SLC16A7: variants seen among roughly 807,000 people sequenced by gnomAD.
The protein encoded by SLC16A7 is monocarboxylate transporter 2.
SLC16A7 carries 33 observed loss-of-function variants against 34.9 expected under a neutral mutation model. The observed-to-expected ratio is 0.94, with a 90% confidence interval of 0.72 to 1.26. The LOEUF is 1.26. Ranked by LOEUF, SLC16A7 falls within the 50% of genes most tolerant of loss-of-function variation. The probability of loss-of-function intolerance (pLI) is 0.00; values close to 1 mark genes in which losing one functional copy is unlikely to be tolerated. For synonymous variants in SLC16A7, 201 were observed against 206.6 expected (o/e 0.97, Z 0.23); for missense variants, 573 against 578.1 (o/e 0.99, Z 0.09).
intron 2 of SLC16A7, among the ~76,000 whole-genome samples, chr12:59,679,173 G>A (rs2137069197): frequency 6.6e-6 from 1 of 152,296 alleles, no homozygotes; most frequent in Admixed American, 6.5e-5. Flanking sequence ...GGAAGGCAGG[G>A]CTCCTGCCTG....
chr12:59,780,051 G>A lies in SLC16A7; in HGVS notation c.*372G>A, dbSNP rs563017897. The A allele has an allele frequency of 1.1e-5, 2 of 183,230 alleles. No individual in the cohort carries two copies. Among genetic ancestry groups the A allele is most frequent in the East Asian group, 1.5e-4 (1 of 6,494 alleles). 11.4% of individuals were successfully genotyped at this position (183,230 alleles called of 1,614,324 possible). ...GAAGGAGGATGCCTAATCCTACAAA[G>A]TGACCCTTTATACATTTCATTTTTT... On this transcript the variant is annotated 3_prime_UTR_variant, in exon 6 of 6. Coordinates refer to ENST00000547379, the MANE Select transcript of SLC16A7 (RefSeq NM_001270623.2).
intron 1 of SLC16A7, among the ~76,000 whole-genome samples, chr12:59,598,380 C>A (rs1480749012): frequency 2.6e-5 from 4 of 152,152 alleles, no homozygotes; most frequent in Non-Finnish European, 5.9e-5. Context: ...AGTCTAGACA[C>A]CCTACCAGGG....
At position 59,713,533 on chromosome 12, in the gene SLC16A7, T is replaced by C. The variant is rs561295127; in HGVS notation, c.217+8515T>C. ...ATGCAAAGTAAATACACATTGAATATTTTTTCATTATAATAGTAGTGACTT... is the reference window on the plus strand; with the variant it reads ...ATGCAAAGTAAATACACATTGAATACTTTTTCATTATAATAGTAGTGACTT... On this transcript the variant is annotated intron_variant, in intron 3 of 5. Coordinates refer to ENST00000547379, the MANE Select transcript of SLC16A7 (RefSeq NM_001270623.2). Among the ~76,000 whole-genome samples, 213 of 152,344 alleles carry C rather than the reference T, an allele frequency of 1.4e-3. 1 individual carries two copies. Among genetic ancestry groups the C allele is most frequent in the Middle Eastern group, 6.8e-3 (2 of 294 alleles).
At chr12:59,753,021 A>G (rs1363599297) in intron 3 of SLC16A7, among the ~76,000 whole-genome samples, 1 of 152,152 alleles carries the variant, frequency 6.6e-6, no homozygotes, top group East Asian at 1.9e-4. Context: ...CATAAGTGAA[A>G]GAGAAATAAA....
chr12:59,614,454 A>G (rs756139036), intron 1 of SLC16A7, among the ~76,000 whole-genome samples: 3 of 152,214 alleles, frequency 2.0e-5, no homozygotes, highest in Non-Finnish European at 4.4e-5. Context: ...TAAAGGCATC[A>G]GAATAATATA....
chr12:59,769,846 ATTGAAAATTCTGACCTAACCT>A, intron 3 of SLC16A7, among the ~76,000 whole-genome samples: 1 of 152,072 alleles, frequency 6.6e-6, no homozygotes, highest in African/African-American at 2.4e-5. Context: ...CAAATATTGG[ATTGAAAATTCTGACCTAACCT>A]AGTATTTATT....
chr12:59,761,644 A>G (rs992533768), intron 3 of SLC16A7, among the ~76,000 whole-genome samples: 2 of 152,104 alleles, frequency 1.3e-5, no homozygotes, highest in African/African-American at 4.8e-5. Flanking sequence ...TACATGTGTA[A>G]ATCAATGAAC....
At chr12:59,673,894 G>T (rs188840011) in intron 2 of SLC16A7, among the ~76,000 whole-genome samples, 104 of 152,194 alleles carry the variant, frequency 6.8e-4, no homozygotes, top group African/African-American at 2.4e-3. Context: ...AAATATTCTT[G>T]TTGGATTTTT....
chr12:59,711,976 T>C (rs1874274006), intron 3 of SLC16A7, among the ~76,000 whole-genome samples: 1 of 152,254 alleles, frequency 6.6e-6, no homozygotes, highest in African/African-American at 2.4e-5. Flanking sequence ...ATTGAGACTT[T>C]GCTACTTGGT....
intron 1 of SLC16A7, among the ~76,000 whole-genome samples, chr12:59,648,121 G>A (rs1363182975): frequency 4.6e-5 from 7 of 152,078 alleles, no homozygotes; most frequent in African/African-American, 1.7e-4. Context: ...GATATTTAGG[G>A]AACTTAAGGT....
chr12:59,688,326 A>G (rs1017219356), intron 2 of SLC16A7, among the ~76,000 whole-genome samples: 4 of 152,068 alleles, frequency 2.6e-5, no homozygotes, highest in African/African-American at 7.2e-5. Context: ...TGACCACTTT[A>G]AGGAGTTCAT....
chr12:59,669,011 A>G (rs1869446024), intron 2 of SLC16A7, among the ~76,000 whole-genome samples: 1 of 152,170 alleles, frequency 6.6e-6, no homozygotes, highest in Non-Finnish European at 1.5e-5. Flanking sequence ...GCCATGTGGA[A>G]CTGTGATTCC....
At chr12:59,776,496 T>G in intron 5 of SLC16A7, among the ~76,000 whole-genome samples, 1 of 152,210 alleles carries the variant, frequency 6.6e-6, no homozygotes, top group East Asian at 1.9e-4. Context: ...ATACCGGACT[T>G]AAGTATTCAC....
chr12:59,660,888 G>A lies in SLC16A7; in HGVS notation c.-31+5638G>A, dbSNP rs181932778. On this transcript the variant is annotated intron_variant, in intron 2 of 5. Transcript: ENST00000547379. ...CCTCAAACTTCATTTATTTATATCT[G>A]GTTAATGACTAATGCCTTTGTAGTG... Among the ~76,000 whole-genome samples, 70 of 152,138 alleles carry A rather than the reference G, an allele frequency of 4.6e-4. 6 individuals are homozygous for A. The South Asian group carries it at 7.3e-3, about 16-fold the overall frequency.
At chr12:59,757,472 T>C (rs1880515376) in intron 3 of SLC16A7, among the ~76,000 whole-genome samples, 1 of 152,158 alleles carries the variant, frequency 6.6e-6, no homozygotes, top group Non-Finnish European at 1.5e-5. Context: ...GTTCTAATTA[T>C]TCAAGACTGC....
intron 1 of SLC16A7, among the ~76,000 whole-genome samples, chr12:59,621,975 C>G (rs1879715615): frequency 6.6e-6 from 1 of 151,718 alleles, no homozygotes; most frequent in African/African-American, 2.4e-5. Context: ...CTTTTGTGGT[C>G]TCTGATTCTT....
At position 59,708,831 on chromosome 12, in the gene SLC16A7, G is replaced by T. The variant is rs190543071; in HGVS notation, c.217+3813G>T. Among the ~76,000 whole-genome samples the T allele has an allele frequency of 2.0e-3, 301 of 151,674 alleles. 2 individuals carry two copies. The highest frequency in any genetic ancestry group is 0.01 in the Middle Eastern group (3 of 294). ...GAATTAAAAATGAAACTAATGAAAG[G>T]TTCGCAGGAAGGATGGAAAAGAATG... On this transcript the variant is annotated intron_variant, in intron 3 of 5. Transcript: ENST00000547379.
intron 2 of SLC16A7, among the ~76,000 whole-genome samples, chr12:59,670,251 G>A (rs76055764): frequency 0.071 from 10,827 of 152,070 alleles, 429 homozygotes; most frequent in Middle Eastern, 0.17. Flanking sequence ...TGTCATACAG[G>A]ATAAAAGCTC....
intron 1 of SLC16A7, among the ~76,000 whole-genome samples, chr12:59,606,267 G>A (rs1328304742): frequency 6.6e-6 from 1 of 152,200 alleles, no homozygotes; most frequent in African/African-American, 2.4e-5. Flanking sequence ...AAATGTTTAA[G>A]TGGTGAAATT....
Sources: allele counts gnomAD v4.1 joint callset (sites outside exome capture counted in the v4.1 genomes callset), GRCh38; gene constraint gnomAD v4.1.1; transcripts MANE v1.5; gene names NCBI Gene and HGNC (gene_info 2026-07-23, HGNC 2026-07-21).